The following KIRREL3 variants were observed in gnomAD, a reference collection of about 807,000 sequenced individuals.
KIRREL3 encodes the protein kin of IRRE-like protein 3.
Under a neutral mutation model 89.7 loss-of-function variants are expected in KIRREL3, and 36 were observed. The ratio of observed to expected loss-of-function variants is 0.40; its 90% confidence interval spans 0.31 to 0.53. The LOEUF is 0.53. Among genes scored for constraint, KIRREL3 ranks in the 20% least tolerant of loss-of-function variants. KIRREL3 has a pLI of 0.49. For synonymous variants in KIRREL3, 445 were observed against 441.4 expected (o/e 1.01, Z -0.10); for missense variants, 864 against 1,056.6 (o/e 0.82, Z 2.53).
chr11:126,888,446 G>A (rs1050350925), intron 1 of KIRREL3, among the ~76,000 whole-genome samples: 7 of 152,160 alleles, frequency 4.6e-5, no homozygotes, highest in African/African-American at 1.2e-4. Flanking sequence ...ATAGGAGGGC[G>A]CAACAAAAGT....
At chr11:126,446,283 C>CTT (rs1565457748) in intron 9 of KIRREL3, among the ~76,000 whole-genome samples, 105 of 116,576 alleles carry the variant, frequency 9.0e-4, no homozygotes, top group African/African-American at 3.4e-3. Context: ...TCTTTTCTTT[C>CTT]TCCTTTCTTT....
rs2134890948 is a variant in KIRREL3, at chr11:126,909,034, T to C, written c.55+91421A>G. On this transcript the variant is annotated intron_variant, in intron 1 of 16. Transcript: ENST00000525144. The surrounding 1 kb of genome is among the most constrained non-coding windows in gnomAD (Gnocchi z 4.5). The stretch of plus-strand genomic sequence containing the variant: ...GTTATGTTAAATTTGTGTTATTTTT[T>C]ATTGTTGATTTGTATTTTTCAAATA... 6.6e-6 allele frequency among the ~76,000 whole-genome samples: 1 copy of C among 152,346 alleles called. No individual in the cohort carries two copies. The highest frequency in any genetic ancestry group is 2.1e-4 in the South Asian group (1 of 4,826).
chr11:126,848,984 T>A (rs1432605627), intron 1 of KIRREL3, among the ~76,000 whole-genome samples: 1 of 152,148 alleles, frequency 6.6e-6, no homozygotes, highest in South Asian at 2.1e-4. Flanking sequence ...GTCAGAGGTG[T>A]TTAAAACAGA....
intron 5 of KIRREL3, among the ~76,000 whole-genome samples, chr11:126,465,534 G>A (rs549032222): frequency 2.0e-5 from 3 of 152,160 alleles, no homozygotes; most frequent in African/African-American, 7.2e-5. Context: ...ATTCAGTGAG[G>A]TTTTTCTCAA....
At chr11:126,858,049 G>T (rs888154002) in intron 1 of KIRREL3, among the ~76,000 whole-genome samples, 3 of 152,176 alleles carry the variant, frequency 2.0e-5, no homozygotes, top group Non-Finnish European at 4.4e-5. Context: ...CCCACTTACC[G>T]TGTGAACTGC....
In KIRREL3 at chr11:126,615,451, T is replaced by C. The variant is rs932232204; in HGVS notation, c.56-52539A>G. 2.6e-5 allele frequency among the ~76,000 whole-genome samples: 4 copies of C among 152,138 alleles called. No homozygotes were observed. The highest frequency in any genetic ancestry group is 4.4e-5 in the Non-Finnish European group (3 of 68,022). On this transcript the variant is annotated intron_variant, in intron 1 of 16. Transcript: ENST00000525144. The surrounding 1 kb of genome is among the most constrained non-coding windows in gnomAD (Gnocchi z 5.4). Reference sequence around the variant, plus strand: ...TAAGGAAACCAGAGCTTTGGGAGGTTAAGGAATGGGCAAAATCACAGCCAG... The same window carrying C: ...TAAGGAAACCAGAGCTTTGGGAGGTCAAGGAATGGGCAAAATCACAGCCAG...
In KIRREL3 at chr11:126,864,676, T is replaced by C. The variant is rs567372958; in HGVS notation, c.55+135779A>G. Among the ~76,000 whole-genome samples the C allele has an allele frequency of 2.6e-5, 4 of 152,370 alleles. No homozygotes were observed. In the South Asian group the frequency reaches 8.3e-4, roughly 32 times the overall value. ...ATTGAATTGCACTATGTGCTTCACA[T>C]GTATTCATCTCTCACTGTAAACCCA... On this transcript the variant is annotated intron_variant, in intron 1 of 16. Coordinates refer to ENST00000525144, the MANE Select transcript of KIRREL3 (RefSeq NM_032531.4).
rs1948512503 is a variant in KIRREL3 at position 126,943,233 on chromosome 11, T to C, written c.55+57222A>G. Among the ~76,000 whole-genome samples the C allele has an allele frequency of 6.6e-6, 1 of 152,168 alleles. No homozygotes were observed. The highest frequency in any genetic ancestry group is 6.5e-5 in the Admixed American group (1 of 15,280). On this transcript the variant is annotated intron_variant, in intron 1 of 16. Coordinates refer to ENST00000525144, the MANE Select transcript of KIRREL3 (RefSeq NM_032531.4). This position sits in a 1 kb window ranked among gnomAD's most constrained non-coding sequence, Gnocchi z 4.2. ...GTTTCTGGGCCTTAAGCAGCTCCCA[T>C]GGTAAAACATTCACCGTCATTCTTT...
Position 126,492,105 on chromosome 11 carries a change from G to A in KIRREL3, c.434-18639C>T, listed in dbSNP as rs1227519601. Among the ~76,000 whole-genome samples, 7 of 152,250 alleles carry A rather than the reference G, an allele frequency of 4.6e-5. No homozygotes were observed. The highest frequency in any genetic ancestry group is 4.1e-4 in the South Asian group (2 of 4,824). The stretch of plus-strand genomic sequence containing the variant: ...ATCCTTGCTTACCTCAGTTTCCTCC[G>A]GGCTTATAAAATGGACAAAAGGATA... On this transcript the variant is annotated intron_variant, in intron 4 of 16. Transcript: ENST00000525144. The surrounding 1 kb of genome is among the most constrained non-coding windows in gnomAD (Gnocchi z 4.8).
At chr11:126,631,124 TATTCATTCATTC>T (rs201430801) in intron 1 of KIRREL3, among the ~76,000 whole-genome samples, 75 of 106,758 alleles carry the variant, frequency 7.0e-4, no homozygotes, top group African/African-American at 1.7e-3. Context: ...TGTATGTATG[TATTCATTCATTC>T]ATTCATTCAT....
intron 1 of KIRREL3, among the ~76,000 whole-genome samples, chr11:126,901,906 G>A (rs1028600678): frequency 2.6e-5 from 4 of 152,164 alleles, no homozygotes; most frequent in South Asian, 4.1e-4. Context: ...CCTAGAGTTC[G>A]CAGCTAAAGT....
At chr11:126,831,891 T>C (rs933803892) in intron 1 of KIRREL3, among the ~76,000 whole-genome samples, 2 of 152,226 alleles carry the variant, frequency 1.3e-5, no homozygotes, top group East Asian at 1.9e-4. Flanking sequence ...GAATGTCTCA[T>C]TATTTGTAAA....
chr11:126,992,584 A>G (rs1302345707), intron 1 of KIRREL3: 1 of 152,262 alleles, frequency 6.6e-6, no homozygotes, highest in Non-Finnish European at 1.5e-5. Flanking sequence ...ACTCAGTGCC[A>G]GAGCCTTGTA....
chr11:126,610,298 G>A lies in KIRREL3; in HGVS notation c.56-47386C>T, dbSNP rs1453334504. Among the ~76,000 whole-genome samples, 1 of 152,126 alleles carries A rather than the reference G, an allele frequency of 6.6e-6. No homozygotes were observed. Among genetic ancestry groups the A allele is most frequent in the African/African-American group, 2.4e-5 (1 of 41,410 alleles). ...TAGAGATGGGGGTTTCGGCATGTTCGTCAGGCTGGTCTTGAACTCCTGGTC... is the reference window on the plus strand; with the variant it reads ...TAGAGATGGGGGTTTCGGCATGTTCATCAGGCTGGTCTTGAACTCCTGGTC... On this transcript the variant is annotated intron_variant, in intron 1 of 16. Transcript: ENST00000525144. This position sits in a 1 kb window ranked among gnomAD's most constrained non-coding sequence, Gnocchi z 4.6.
rs7946496 is a variant in KIRREL3, at chr11:126,462,329, C to T, written c.742+828G>A. 0.35 allele frequency among the ~76,000 whole-genome samples: 52,670 copies of T among 151,962 alleles called. 10,691 individuals are homozygous for T. Among genetic ancestry groups the T allele is most frequent in the East Asian group, 0.53 (2,756 of 5,156 alleles). On this transcript the variant is annotated intron_variant, in intron 6 of 16. Coordinates refer to ENST00000525144, the MANE Select transcript of KIRREL3 (RefSeq NM_032531.4). This position sits in a 1 kb window ranked among gnomAD's most constrained non-coding sequence, Gnocchi z 4.8. The stretch of plus-strand genomic sequence containing the variant: ...ACCCTTTCGGTGCCTCAGTTTCCCA[C>T]GGTAGGGACCACAGTTGCACCTTCT...
Position 126,520,800 on chromosome 11 carries a change from G to A in KIRREL3, c.433+515C>T, listed in dbSNP as rs143291811. On this transcript the variant is annotated intron_variant, in intron 4 of 16. Coordinates refer to ENST00000525144, the MANE Select transcript of KIRREL3 (RefSeq NM_032531.4). This position sits in a 1 kb window ranked among gnomAD's most constrained non-coding sequence, Gnocchi z 4.9. ...GGGACCTGTCAGCCAGGATTCCCAG[G>A]GAGCAATGAGGGGTGGAGAAGTCAC... Among the ~76,000 whole-genome samples, 7 of 152,246 alleles carry A rather than the reference G, an allele frequency of 4.6e-5. No individual in the cohort carries two copies. The highest frequency in any genetic ancestry group is 7.4e-5 in the Non-Finnish European group (5 of 67,986).
rs1379237617 is a variant in KIRREL3, at chr11:126,645,103, T to A, written c.56-82191A>T. On this transcript the variant is annotated intron_variant, in intron 1 of 16. Transcript: ENST00000525144. This position sits in a 1 kb window ranked among gnomAD's most constrained non-coding sequence, Gnocchi z 4.9. Reference sequence around the variant, plus strand: ...GAGCAGAGGTGAAGTGAACACAGCATATTCTGAATATATCGCAAGAGGGGT... The same window carrying A: ...GAGCAGAGGTGAAGTGAACACAGCAAATTCTGAATATATCGCAAGAGGGGT... 6.6e-6 allele frequency among the ~76,000 whole-genome samples: 1 copy of A among 152,124 alleles called. No homozygotes were observed. The highest frequency in any genetic ancestry group is 1.5e-5 in the Non-Finnish European group (1 of 68,036).
In KIRREL3 at chr11:126,578,902, T is replaced by C. The variant is rs1228307527; in HGVS notation, c.56-15990A>G. On this transcript the variant is annotated intron_variant, in intron 1 of 16. Transcript: ENST00000525144. The surrounding 1 kb of genome is among the most constrained non-coding windows in gnomAD (Gnocchi z 4.9). ...AAGTATCTACCCTGCAAAATACTTT[T>C]CACACACTCTCTCACTTATCCTCAC... Among the ~76,000 whole-genome samples the C allele has an allele frequency of 6.6e-6, 1 of 152,174 alleles. No homozygotes were observed. Among genetic ancestry groups the C allele is most frequent in the Non-Finnish European group, 1.5e-5 (1 of 68,038 alleles).
Position 126,898,066 on chromosome 11 carries a change from C to A in KIRREL3, c.55+102389G>T, listed in dbSNP as rs891910053. Among the ~76,000 whole-genome samples the A allele has an allele frequency of 1.3e-5, 2 of 152,124 alleles. No individual in the cohort carries two copies. The highest frequency in any genetic ancestry group is 4.8e-5 in the African/African-American group (2 of 41,428). On this transcript the variant is annotated intron_variant, in intron 1 of 16. Coordinates refer to ENST00000525144, the MANE Select transcript of KIRREL3 (RefSeq NM_032531.4). The surrounding 1 kb of genome is among the most constrained non-coding windows in gnomAD (Gnocchi z 4.9). ...GCTCACATGGGTTGGGAAGTTTGGA[C>A]AACTGTCTTGTAGAATCAAACATTT...
Sources: gnomAD v4.1 joint callset for allele counts (sites outside exome capture counted in the v4.1 genomes callset) on GRCh38, gnomAD v4.1.1 for gene constraint, Gnocchi (gnomAD v3.1) non-coding constraint, MANE v1.5 for transcripts, NCBI Gene and HGNC (gene_info 2026-07-23, HGNC 2026-07-21) for gene names.